The following MGAT4D variants were observed in gnomAD, a reference collection of about 807,000 sequenced individuals.
MGAT4D encodes MGAT4 family member D.
In MGAT4D, 34 loss-of-function variants were observed where a neutral mutation model predicts 15.9. The ratio of observed to expected loss-of-function variants is 2.14; its 90% CI spans 1.62 to 2.84. The LOEUF (loss-of-function observed/expected upper bound fraction) is 2.84. MGAT4D is among the 30% of genes most tolerant of loss of function. The pLI is 0.00. For synonymous variants in MGAT4D, 112 were observed against 48.2 expected, an observed-to-expected ratio of 2.33 and a Z score of -5.49; for missense variants, 327 against 140.2, an observed-to-expected ratio of 2.33 and a Z score of -6.73.
chr4:140,492,643 A>AT (rs1485586278), intron 1 of MGAT4D, among the ~76,000 whole-genome samples: 49 of 150,638 alleles, frequency 3.3e-4, no homozygotes, highest in Admixed American at 3.3e-4. Flanking sequence ...AAAAAAAAAA[A>AT]TTGATTGTTT....
chr4:140,462,642 C>G (rs979295402), intron 6 of MGAT4D: 1 of 152,162 alleles, frequency 6.6e-6, no homozygotes, highest in Non-Finnish European at 1.5e-5. Context: ...TGATGAAATG[C>G]GTGAGCACAC....
Position 140,442,814 on chromosome 4 carries a change from T to C in MGAT4D, c.*622A>G, listed in dbSNP as rs1267639471. 7.2e-6 allele frequency: 1 copy of C among 138,492 alleles called. No individual in the cohort carries two copies. Among genetic ancestry groups the C allele is most frequent in the African/African-American group, 2.6e-5 (1 of 39,122 alleles). The allele number at this position is 138,492 out of a possible 1,614,324, so 8.6% of individuals were successfully genotyped here. A position where few individuals can be genotyped will look rare whatever the true frequency, so the allele number is the denominator to read the frequency against. On this transcript the variant is annotated 3_prime_UTR_variant, in exon 11 of 11. Transcript: ENST00000511113. Reference sequence around the variant, plus strand: ...TAAAAGATGGAGAAAACCAATATATTTGGGAAAAAAACTCCCAAATAATCT... The same window carrying C: ...TAAAAGATGGAGAAAACCAATATATCTGGGAAAAAAACTCCCAAATAATCT...
At chr4:140,483,501 A>G (rs1208739948) in intron 1 of MGAT4D, among the ~76,000 whole-genome samples, 1 of 152,186 alleles carries the variant, frequency 6.6e-6, no homozygotes, top group African/African-American at 2.4e-5. Flanking sequence ...TTTTCACAGA[A>G]ACAGAAAAAC....
At chr4:140,493,484 A>AC (rs1466793585) in intron 1 of MGAT4D, among the ~76,000 whole-genome samples, 1 of 151,428 alleles carries the variant, frequency 6.6e-6, no homozygotes, top group Non-Finnish European at 1.5e-5. Flanking sequence ...TTTAGTAGAG[A>AC]TGGGGTTTCA....
intron 5 of MGAT4D, among the ~76,000 whole-genome samples, chr4:140,466,033 C>G (rs145387671): frequency 1.1e-3 from 165 of 152,308 alleles, no homozygotes; most frequent in African/African-American, 3.9e-3. Flanking sequence ...CACTGTACAT[C>G]TACTATTTAG....
Position 140,498,232 on chromosome 4 carries a change from C to A in MGAT4D, c.-10G>T. The A allele has an allele frequency of 1.4e-6, 1 of 701,890 alleles. No individual in the cohort carries two copies. The highest frequency in any genetic ancestry group is 2.6e-6 in the Non-Finnish European group (1 of 384,340). 43.5% of individuals were successfully genotyped at this position (701,890 alleles called of 1,614,324 possible). On this transcript the variant is annotated 5_prime_UTR_variant, in exon 1 of 11. Coordinates refer to ENST00000511113, the MANE Select transcript of MGAT4D (RefSeq NM_001277353.2). ...CCTGCTTGGTCCTCATGGCCCTGGC[C>A]AGGCTGCGGGAGGCCGGCGGGTGGA...
intron 8 of MGAT4D, 135 bp from the exon 9 acceptor site, chr4:140,456,854 G>A: frequency 2.2e-6 from 1 of 463,042 alleles, no homozygotes; most frequent in Non-Finnish European, 3.8e-6. Context: ...CACTGCTGAA[G>A]TTAGACAATG....
At chr4:140,490,161 G>A (rs72941715) in intron 1 of MGAT4D, among the ~76,000 whole-genome samples, 255 of 152,228 alleles carry the variant, frequency 1.7e-3, no homozygotes, top group African/African-American at 5.7e-3. Context: ...GATTGCTAGT[G>A]GTTTTTCTAT....
intron 1 of MGAT4D, among the ~76,000 whole-genome samples, chr4:140,494,880 C>T (rs191021331): frequency 6.6e-6 from 1 of 152,298 alleles, no homozygotes; most frequent in African/African-American, 2.4e-5. Context: ...TTACCCAACC[C>T]AAAATGTCAA....
intron 1 of MGAT4D, among the ~76,000 whole-genome samples, chr4:140,496,319 C>G (rs1733831698): frequency 6.6e-6 from 1 of 152,152 alleles, no homozygotes; most frequent in South Asian, 2.1e-4. Flanking sequence ...ATGAAAAAAT[C>G]TGATTTGTCT....
At chr4:140,446,034 A>G (rs1021784394) in intron 10 of MGAT4D, among the ~76,000 whole-genome samples, 17 of 152,212 alleles carry the variant, frequency 1.1e-4, no homozygotes, top group African/African-American at 3.9e-4. Flanking sequence ...ATTGTGGTCA[A>G]TTAGCTTTTT....
chr4:140,477,079 A>C (rs1241051), intron 3 of MGAT4D, among the ~76,000 whole-genome samples: 2 of 152,200 alleles, frequency 1.3e-5, no homozygotes, highest in African/African-American at 4.8e-5. Flanking sequence ...CAGCCCCAAT[A>C]GTGCATGCAA....
intron 10 of MGAT4D, among the ~76,000 whole-genome samples, chr4:140,448,250 T>C (rs1303895783): frequency 6.6e-6 from 1 of 152,232 alleles, no homozygotes; most frequent in Non-Finnish European, 1.5e-5. Context: ...TTGTCCTCTC[T>C]AGCGAGGGTG....
intron 5 of MGAT4D, 56 bp from the exon 6 acceptor site, chr4:140,465,065 CATAA>C (rs1217123390): frequency 6.2e-6 from 4 of 643,930 alleles, no homozygotes; most frequent in East Asian, 5.5e-5. Flanking sequence ...TCCAGAATAA[CATAA>C]ATACTTAAAA....
chr4:140,471,041 G>C (rs1184252629), intron 5 of MGAT4D, among the ~76,000 whole-genome samples: 1 of 151,838 alleles, frequency 6.6e-6, no homozygotes, highest in Non-Finnish European at 1.5e-5. Context: ...CACACCACCA[G>C]GCTCGGCTTA....
rs191030896 is a variant in MGAT4D at position 140,451,685 on chromosome 4, C to A, written c.1009-168G>T. Among the ~76,000 whole-genome samples, 258 of 152,014 alleles carry A rather than the reference C, an allele frequency of 1.7e-3. 2 individuals are homozygous for A. Among genetic ancestry groups the A allele is most frequent in the Middle Eastern group, 6.8e-3 (2 of 292 alleles). ...TAGCTTTTTCTTCATAAGAATAGAG[C>A]AAAGGAGTTGGGGTAAAAAAGGGTT... On this transcript the variant is annotated intron_variant, in intron 9 of 10. Transcript: ENST00000511113.
chr4:140,455,388 T>C (rs1730733971), intron 9 of MGAT4D, among the ~76,000 whole-genome samples: 1 of 152,230 alleles, frequency 6.6e-6, no homozygotes, highest in African/African-American at 2.4e-5. Context: ...TATCTTTATG[T>C]TGTTGATTTC....
intron 7 of MGAT4D, 39 bp downstream of exon 7, chr4:140,461,890 C>G (rs1355497923): frequency 1.6e-6 from 1 of 628,942 alleles, no homozygotes; most frequent in Non-Finnish European, 2.9e-6. Context: ...TACACACACA[C>G]ACACACACAC....
intron 10 of MGAT4D, chr4:140,450,027 G>A (rs1730374933): frequency 3.5e-6 from 1 of 289,432 alleles, no homozygotes; most frequent in East Asian, 5.4e-5. Context: ...TAAGAAAGTT[G>A]AGAAATAGTC....
Sources: allele counts gnomAD v4.1 joint callset (sites outside exome capture counted in the v4.1 genomes callset), GRCh38; gene constraint gnomAD v4.1.1; transcripts MANE v1.5; gene names NCBI Gene and HGNC (gene_info 2026-07-23, HGNC 2026-07-21).